Variants in SLC15A5 observed in about 807,000 individuals in gnomAD.
The protein encoded by SLC15A5 is solute carrier family 15 member 5, also known as Peptide/histidine transporter ENSP00000340402.
SLC15A5 carries 58 observed loss-of-function variants against 56.1 expected under a neutral mutation model. That is an observed-to-expected ratio of 1.03 (90% CI 0.84 to 1.29). The LOEUF (loss-of-function observed/expected upper bound fraction) is 1.29. Among genes scored for constraint, SLC15A5 ranks in the 50% most tolerant of loss-of-function variants. The pLI is 0.00. For missense variants in SLC15A5, 681 were observed against 672.1 expected, an observed-to-expected ratio of 1.01 and a Z score of -0.15; for synonymous variants, 264 against 250.5, an observed-to-expected ratio of 1.05 and a Z score of -0.51.
intron 7 of SLC15A5, among the ~76,000 whole-genome samples, chr12:16,205,598 C>CACACACAT (rs1565657641): frequency 1.7e-5 from 1 of 57,720 alleles, no homozygotes; most frequent in Admixed American, 2.2e-4. Context: ...TATACATATA[C>CACACACAT]ACACACACAC....
At position 16,257,769 on chromosome 12, in the gene SLC15A5, A is replaced by G; in HGVS notation, c.686T>C (p.Met229Thr). ...AWALVLLIPFMSMLMAVITLH... is the reference protein window; with the variant it reads ...AWALVLLIPFTSMLMAVITLH... ...AGTTATCACAGCCATAAGCATAGAC[A>G]TAAAAGGAATAAGTAAAACAAGGGC... Residue 229 changes from methionine (M) to threonine (T), a missense_variant, in exon 3 of 9, where the codon ATG becomes ACG. Coordinates refer to ENST00000344941, the MANE Select transcript of SLC15A5 (RefSeq NM_001170798.1). 2 of 1,532,264 alleles carry G rather than the reference A, an allele frequency of 1.3e-6. No individual in the cohort carries two copies. The highest frequency in any genetic ancestry group is 2.0e-5 in the Admixed American group (1 of 49,950). 94.9% of individuals were successfully genotyped at this position (1,532,264 alleles called of 1,614,324 possible).
chr12:16,210,482 G>A (rs552020792), intron 7 of SLC15A5, among the ~76,000 whole-genome samples: 2 of 152,252 alleles, frequency 1.3e-5, no homozygotes, highest in South Asian at 4.2e-4. Flanking sequence ...AGTCCACCTG[G>A]AAGATGTTGA....
chr12:16,260,483 CT>C lies in SLC15A5; in HGVS notation c.585-2614del, dbSNP rs1315900573. 4.2e-3 allele frequency among the ~76,000 whole-genome samples: 601 copies of C among 142,068 alleles called. 2 individuals carry two copies. The highest frequency in any genetic ancestry group is 4.7e-3 in the Non-Finnish European group (306 of 64,592). The allele number at this position is 142,068 out of a possible 152,430, so 93.2% of individuals were successfully genotyped here. ...CATATTGGCTAATACTGGAAATCCT[CT>C]TTTTTTTTTTTATTGGGTAGTTTCT... is the stretch of plus-strand genomic sequence containing the variant. On this transcript the variant is annotated intron_variant, in intron 2 of 8. Transcript: ENST00000344941.
intron 7 of SLC15A5, among the ~76,000 whole-genome samples, chr12:16,197,186 C>T (rs1036398767): frequency 1.3e-5 from 2 of 151,996 alleles, no homozygotes; most frequent in African/African-American, 4.8e-5. Context: ...TCATTTTTAG[C>T]ATGTGGCTTT....
intron 7 of SLC15A5, among the ~76,000 whole-genome samples, chr12:16,213,273 A>G (rs891246007): frequency 1.3e-5 from 2 of 152,180 alleles, no homozygotes; most frequent in Non-Finnish European, 2.9e-5. Context: ...AACACTTACT[A>G]TGCATATTAA....
intron 7 of SLC15A5, among the ~76,000 whole-genome samples, chr12:16,212,481 G>A (rs1394014403): frequency 6.6e-6 from 1 of 150,434 alleles, no homozygotes; most frequent in Admixed American, 6.7e-5. Context: ...CTATTCTGAT[G>A]GCTAAAGGGA....
intron 7 of SLC15A5, among the ~76,000 whole-genome samples, chr12:16,199,782 A>G (rs780401126): frequency 6.6e-6 from 1 of 152,196 alleles, no homozygotes; most frequent in East Asian, 1.9e-4. Flanking sequence ...GGAATAAGAC[A>G]TAGTCATCCA....
intron 5 of SLC15A5, among the ~76,000 whole-genome samples, chr12:16,238,522 C>T (rs759513950): frequency 3.4e-5 from 5 of 148,520 alleles, no homozygotes; most frequent in African/African-American, 5.0e-5. Flanking sequence ...CCCAGCTACT[C>T]GGGAGGCTGA....
chr12:16,217,544 C>A (rs974540660), intron 6 of SLC15A5, among the ~76,000 whole-genome samples: 2 of 152,144 alleles, frequency 1.3e-5, no homozygotes, highest in Non-Finnish European at 2.9e-5. Context: ...TTAAACTTTC[C>A]AGCCTCAATG....
intron 7 of SLC15A5, among the ~76,000 whole-genome samples, chr12:16,199,319 A>G (rs1385272207): frequency 6.6e-6 from 1 of 151,350 alleles, no homozygotes; most frequent in Non-Finnish European, 1.5e-5. Context: ...AAAAAAAAAA[A>G]AAAAAAGGAT....
At chr12:16,209,221 T>C in intron 7 of SLC15A5, among the ~76,000 whole-genome samples, 1 of 99,436 alleles carries the variant, frequency 1.0e-5, no homozygotes, top group East Asian at 3.6e-4. Flanking sequence ...CCATCTTCTT[T>C]CTTATCTTCA....
intron 1 of SLC15A5, 58 bp from the exon 2 acceptor site, chr12:16,272,841 C>T: frequency 7.0e-7 from 1 of 1,422,812 alleles, no homozygotes; most frequent in South Asian, 1.2e-5. Flanking sequence ...ATCACCAAAT[C>T]ACATTTTAAA....
chr12:16,236,508 T>G (rs866308649), intron 5 of SLC15A5, among the ~76,000 whole-genome samples: 5 of 152,336 alleles, frequency 3.3e-5, no homozygotes, highest in Admixed American at 6.5e-5. Context: ...TCAGGAATGT[T>G]GCATCTTGAA....
intron 3 of SLC15A5, among the ~76,000 whole-genome samples, chr12:16,248,526 C>T (rs1382720674): frequency 6.6e-6 from 1 of 152,002 alleles, no homozygotes; most frequent in East Asian, 1.9e-4. Context: ...GAGAGAGACC[C>T]AGTAAGTCAG....
intron 6 of SLC15A5, among the ~76,000 whole-genome samples, chr12:16,220,802 A>C (rs1387723009): frequency 6.6e-6 from 1 of 152,166 alleles, no homozygotes. Flanking sequence ...ATAAGCTATA[A>C]TGGCAGAAAT....
At chr12:16,244,863 T>C in intron 3 of SLC15A5, 63 bp from the exon 4 acceptor site, 1 of 1,463,492 alleles carries the variant, frequency 6.8e-7, no homozygotes. Flanking sequence ...TTCAAGATGC[T>C]GATCAGAAAG....
Position 16,277,316 on chromosome 12 carries a change from G to T in SLC15A5, c.361+9C>A, listed in dbSNP as rs1204732548. ...TCACAAAACAATCCAGTCAGCAGAG[G>T]ACACTCACCTAGAAAATGTAGAAAC... On this transcript the variant is annotated intron_variant, in intron 1 of 8. Coordinates refer to ENST00000344941, the MANE Select transcript of SLC15A5 (RefSeq NM_001170798.1). 8.6e-6 allele frequency: 13 copies of T among 1,507,942 alleles called. No individual in the cohort carries two copies. Among genetic ancestry groups the T allele is most frequent in the South Asian group, 2.6e-5 (2 of 78,198 alleles). 93.4% of individuals were successfully genotyped at this position (1,507,942 alleles called of 1,614,324 possible). A position where few individuals can be genotyped will look rare whatever the true frequency, so the allele number is the denominator to read the frequency against.
chr12:16,223,248 T>A (rs1461732448), intron 6 of SLC15A5, among the ~76,000 whole-genome samples: 1 of 152,092 alleles, frequency 6.6e-6, no homozygotes, highest in East Asian at 1.9e-4. Flanking sequence ...TTAGGATGAT[T>A]ACTCTAAAAT....
intron 5 of SLC15A5, among the ~76,000 whole-genome samples, chr12:16,226,851 G>A (rs919584536): frequency 1.2e-4 from 18 of 151,636 alleles, no homozygotes; most frequent in Admixed American, 2.6e-4. Context: ...TAATCCTTTC[G>A]TTAGAGTGGA....
Sources: gnomAD v4.1 joint callset for allele counts (sites outside exome capture counted in the v4.1 genomes callset) on GRCh38, gnomAD v4.1.1 for gene constraint, MANE v1.5 for transcripts, NCBI Gene and HGNC (gene_info 2026-07-23, HGNC 2026-07-21) for gene names.